The following ITPR2 variants were observed in gnomAD, a reference collection of about 807,000 sequenced individuals.
ITPR2 encodes inositol 1,4,5-trisphosphate receptor type 2.
In ITPR2, 207 loss-of-function variants were observed where a neutral mutation model predicts 317.1. The observed-to-expected ratio is 0.65, with a 90% confidence interval of 0.58 to 0.73. The LOEUF (loss-of-function observed/expected upper bound fraction) is 0.73, where lower values mean the gene tolerates loss of function less well. Ranked by LOEUF, ITPR2 falls within the 30% of genes least tolerant of loss-of-function variation. The probability of loss-of-function intolerance (pLI) is 0.00; values close to 1 mark genes in which losing one functional copy is unlikely to be tolerated. For synonymous variants in ITPR2, 1,156 were observed against 1,149.1 expected (o/e 1.01, Z -0.12); for missense variants, 2,613 against 3,284.0 (o/e 0.80, Z 4.99).
At chr12:26,612,479 A>G (rs1229270634) in intron 26 of ITPR2, among the ~76,000 whole-genome samples, 2 of 152,236 alleles carry the variant, frequency 1.3e-5, no homozygotes, top group Non-Finnish European at 2.9e-5. Flanking sequence ...CATCCTGTTT[A>G]CAATACATTG....
At chr12:26,713,755 C>G (rs557586575) in intron 8 of ITPR2, among the ~76,000 whole-genome samples, 1 of 152,054 alleles carries the variant, frequency 6.6e-6, no homozygotes, top group East Asian at 1.9e-4. Context: ...TAAATAATAT[C>G]TCATCTTATT....
chr12:26,800,105 C>T (rs1950528957), intron 1 of ITPR2, among the ~76,000 whole-genome samples: 1 of 152,164 alleles, frequency 6.6e-6, no homozygotes. Flanking sequence ...CTTCCAAGTA[C>T]AGACACCTCC....
Position 26,335,804 on chromosome 12 carries a change from C to T in ITPR2, c.*3593G>A, listed in dbSNP as rs1937897895. 1 of 152,184 alleles carries T rather than the reference C, an allele frequency of 6.6e-6. No individual in the cohort carries two copies. The highest frequency in any genetic ancestry group is 1.5e-5 in the Non-Finnish European group (1 of 68,036). The allele number at this position is 152,184 out of a possible 1,614,324, so 9.4% of individuals were successfully genotyped here. On this transcript the variant is annotated 3_prime_UTR_variant, in exon 57 of 57. Transcript: ENST00000381340. The stretch of plus-strand genomic sequence containing the variant: ...TTGGTGTGCACCTCACAATTTCATG[C>T]AATTTAGTGACTTGCCAAGCTCCTG...
Position 26,343,763 on chromosome 12 carries a change from T to G in ITPR2, c.7858-3435A>C, listed in dbSNP as rs192358123. 7.0e-4 allele frequency among the ~76,000 whole-genome samples: 107 copies of G among 151,992 alleles called. 1 individual carries two copies. Among genetic ancestry groups the G allele is most frequent in the African/African-American group, 2.5e-3 (104 of 41,452 alleles). On this transcript the variant is annotated intron_variant, in intron 55 of 56. Transcript: ENST00000381340. ...TGGGAAGGATTAGAAAAGTGCATTT[T>G]TATGGGAGGTTTGAGGTGTGTTGAT...
At chr12:26,456,593 C>G (rs1941891168) in intron 45 of ITPR2, among the ~76,000 whole-genome samples, 1 of 152,208 alleles carries the variant, frequency 6.6e-6, no homozygotes, top group African/African-American at 2.4e-5. Flanking sequence ...CCACTTTACT[C>G]TATGGACTTG....
intron 55 of ITPR2, among the ~76,000 whole-genome samples, chr12:26,376,942 T>C (rs925746258): frequency 6.6e-6 from 1 of 152,134 alleles, no homozygotes; most frequent in Non-Finnish European, 1.5e-5. Context: ...TTGATCAGGT[T>C]GGTCTCCAAC....
chr12:26,431,411 C>G (rs1941204131), intron 48 of ITPR2, among the ~76,000 whole-genome samples: 1 of 152,144 alleles, frequency 6.6e-6, no homozygotes, highest in Admixed American at 6.5e-5. Flanking sequence ...GCTGCTTCAG[C>G]CGCAACCAGT....
At chr12:26,645,460 A>C (rs1334150567) in intron 21 of ITPR2, among the ~76,000 whole-genome samples, 1 of 152,170 alleles carries the variant, frequency 6.6e-6, no homozygotes, top group African/African-American at 2.4e-5. Context: ...CATATGGAAG[A>C]TGGGTAAGTG....
intron 51 of ITPR2, among the ~76,000 whole-genome samples, chr12:26,414,428 C>T (rs752007837): frequency 4.6e-5 from 7 of 152,092 alleles, no homozygotes; most frequent in African/African-American, 9.7e-5. Context: ...TTACATTTAA[C>T]GGTTTGAGGA....
chr12:26,788,042 C>G (rs183987837), intron 2 of ITPR2, among the ~76,000 whole-genome samples: 2 of 151,810 alleles, frequency 1.3e-5, no homozygotes, highest in African/African-American at 4.8e-5. Flanking sequence ...CCTGCCTCAG[C>G]CTCCTGAGTG....
intron 2 of ITPR2, among the ~76,000 whole-genome samples, chr12:26,781,989 CCTGTATAT>C (rs1354653671): frequency 4.1e-5 from 3 of 73,562 alleles, no homozygotes; most frequent in African/African-American, 1.7e-4. Context: ...AATAAACTCC[CCTGTATAT>C]ATATATATAT....
chr12:26,488,362 A>T (rs1185223510), intron 39 of ITPR2, among the ~76,000 whole-genome samples: 1 of 152,032 alleles, frequency 6.6e-6, no homozygotes, highest in African/African-American at 2.4e-5. Context: ...AGTTTGGGGG[A>T]GTTTGCCCCA....
chr12:26,796,282 C>A (rs901348000), intron 1 of ITPR2, among the ~76,000 whole-genome samples: 1 of 152,054 alleles, frequency 6.6e-6, no homozygotes, highest in Non-Finnish European at 1.5e-5. Flanking sequence ...AAGAAAAAGA[C>A]AACCAAACAG....
chr12:26,393,416 A>G (rs1358361279), intron 54 of ITPR2, among the ~76,000 whole-genome samples: 2 of 152,214 alleles, frequency 1.3e-5, no homozygotes, highest in Non-Finnish European at 2.9e-5. Context: ...GAATGAATGC[A>G]TATCTAGATA....
chr12:26,819,351 C>T (rs1565788435), intron 1 of ITPR2, among the ~76,000 whole-genome samples: 1 of 152,178 alleles, frequency 6.6e-6, no homozygotes, highest in Non-Finnish European at 1.5e-5. Context: ...TTACAACAGA[C>T]TTAGTCAATA....
At chr12:26,398,508 A>G (rs1295288543) in intron 54 of ITPR2, among the ~76,000 whole-genome samples, 1 of 152,236 alleles carries the variant, frequency 6.6e-6, no homozygotes. Flanking sequence ...CAAGATGCTG[A>G]AAAATCATAT....
In ITPR2 at chr12:26,443,618, C is replaced by T; in HGVS notation, c.6375G>A (p.Met2125Ile). ...LARHNKLLQQ[M>I]LKPGSDPDEG... ...CATCTGGATCCGATCCTGGTTTGAG[C>T]ATCTGCTGCAACAGTTTATTGTGGC... The change falls in exon 46 of 57, where the codon ATG (methionine) becomes ATA (isoleucine). Residue 2125 changes from methionine to isoleucine, a missense_variant. By Grantham distance (10) the Met-to-Ile change is conservative. Around this residue, in one of 9 missense-constraint regions of ITPR2, gnomAD observed 926 missense variants for 1,072.8 expected, o/e 0.86. Transcript: ENST00000381340. 3 of 1,613,036 alleles carry T rather than the reference C, an allele frequency of 1.9e-6. No individual in the cohort carries two copies. Among genetic ancestry groups the T allele is most frequent in the East Asian group, 2.2e-5 (1 of 44,852 alleles).
chr12:26,414,891 G>A (rs1457728256), intron 51 of ITPR2, among the ~76,000 whole-genome samples: 1 of 152,024 alleles, frequency 6.6e-6, no homozygotes, highest in African/African-American at 2.4e-5. Flanking sequence ...AGTTATTTAA[G>A]TATAATATGA....
rs1948740452 is a variant in ITPR2 at position 26,716,378 on chromosome 12, T to C, written c.526-136A>G. 5 of 589,908 alleles carry C rather than the reference T, an allele frequency of 8.5e-6. 1 individual carries two copies. In the East Asian group the frequency reaches 1.1e-4, roughly 13 times the overall value. The allele number at this position is 589,908 out of a possible 1,614,324, so 36.5% of individuals were successfully genotyped here. A position where few individuals can be genotyped will look rare whatever the true frequency, so the allele number is the denominator to read the frequency against. The stretch of plus-strand genomic sequence containing the variant: ...CTTTTATCCTTCACACAAATTTTCA[T>C]ACAATCCTTTTTCTCTTTGAGGTAA... On this transcript the variant is annotated intron_variant, in intron 5 of 56. Coordinates refer to ENST00000381340, the MANE Select transcript of ITPR2 (RefSeq NM_002223.4).
Sources: gnomAD v4.1 joint callset for allele counts (sites outside exome capture counted in the v4.1 genomes callset) on GRCh38, gnomAD v4.1.1 for gene constraint, gnomAD v4.1.1 regional missense constraint, MANE v1.5 for transcripts, NCBI Gene and HGNC (gene_info 2026-07-23, HGNC 2026-07-21) for gene names.